NRXN1: variants seen among roughly 807,000 people sequenced by gnomAD.
NRXN1 encodes the protein neurexin-1.
Under a neutral mutation model 150.9 loss-of-function variants are expected in NRXN1, and 39 were observed. That is an observed-to-expected ratio of 0.26 (90% CI 0.20 to 0.34). The LOEUF (loss-of-function observed/expected upper bound fraction) is 0.34. NRXN1 is among the 10% of genes least tolerant of loss of function. The probability of loss-of-function intolerance (pLI) is 1.00; values close to 1 mark genes in which losing one functional copy is unlikely to be tolerated. For missense variants in NRXN1, 1,815 were observed against 1,949.9 expected, an observed-to-expected ratio of 0.93 and a Z score of 1.30; for synonymous variants, 924 against 757.0, an observed-to-expected ratio of 1.22 and a Z score of -3.62.
At chr2:49,969,627 C>T (rs1485913129) in intron 21 of NRXN1, 1 of 151,824 alleles carries the variant, frequency 6.6e-6, no homozygotes, top group African/African-American at 2.4e-5. Context: ...ATTCATTTCA[C>T]TGGACGACTG....
At chr2:50,398,037 A>T (rs1316606040) in intron 17 of NRXN1, among the ~76,000 whole-genome samples, 2 of 152,152 alleles carry the variant, frequency 1.3e-5, no homozygotes, top group Admixed American at 6.6e-5. Flanking sequence ...GAATGTTGGA[A>T]AAAAACATCA....
intron 17 of NRXN1, among the ~76,000 whole-genome samples, chr2:50,458,053 T>C (rs1221787159): frequency 1.3e-5 from 2 of 152,120 alleles, no homozygotes; most frequent in South Asian, 4.1e-4. Context: ...TGCAGCACTA[T>C]TCACAATAAC....
intron 12 of NRXN1, among the ~76,000 whole-genome samples, chr2:50,525,331 G>C (rs1573398650): frequency 6.6e-6 from 1 of 152,166 alleles, no homozygotes; most frequent in Admixed American, 6.5e-5. Context: ...AATTCAGATA[G>C]TTTTTTCCTT....
At chr2:50,290,659 C>T (rs1331556306) in intron 17 of NRXN1, among the ~76,000 whole-genome samples, 1 of 152,282 alleles carries the variant, frequency 6.6e-6, no homozygotes. Context: ...CACTGTACAG[C>T]AGAGAGGACT....
intron 19 of NRXN1, among the ~76,000 whole-genome samples, chr2:50,080,480 T>G (rs1235343299): frequency 6.6e-6 from 1 of 152,128 alleles, no homozygotes; most frequent in East Asian, 1.9e-4. Context: ...GTTATATTGA[T>G]AGCAATTTTT....
rs1245889580 is a variant in NRXN1, at chr2:50,753,972, G to GT, written c.833-130358_833-130357insA. 3.0e-5 allele frequency among the ~76,000 whole-genome samples: 4 copies of GT among 135,192 alleles called. No individual in the cohort carries two copies. In the South Asian group the frequency reaches 1.1e-3, roughly 37 times the overall value. 88.7% of individuals were successfully genotyped at this position (135,192 alleles called of 152,430 possible). On this transcript the variant is annotated intron_variant, in intron 5 of 22. Coordinates refer to ENST00000401669, the MANE Select transcript of NRXN1 (RefSeq NM_001330078.2). ...TCATGACGATTTTTTTTTGGGGGGG[G>GT]GCGGAATTCCCAATGGCATTAATGT...
At chr2:50,160,315 C>T (rs1405204326) in intron 18 of NRXN1, among the ~76,000 whole-genome samples, 1 of 151,918 alleles carries the variant, frequency 6.6e-6, no homozygotes, top group East Asian at 1.9e-4. Context: ...TCGAGGTGGG[C>T]AGATCACCTT....
chr2:50,658,271 A>G (rs545248273), intron 5 of NRXN1, among the ~76,000 whole-genome samples: 18 of 152,074 alleles, frequency 1.2e-4, no homozygotes, highest in Admixed American at 2.0e-4. Context: ...AGGTAAAAGC[A>G]GGTGGGTGTA....
chr2:50,146,813 T>A (rs1188804390), intron 18 of NRXN1, among the ~76,000 whole-genome samples: 1 of 151,652 alleles, frequency 6.6e-6, no homozygotes, highest in Non-Finnish European at 1.5e-5. Context: ...TTTCTTTGTG[T>A]TTTTTACCCA....
chr2:50,182,969 G>A (rs541406277), intron 18 of NRXN1, among the ~76,000 whole-genome samples: 2 of 151,986 alleles, frequency 1.3e-5, no homozygotes, highest in East Asian at 1.9e-4. Context: ...TTATAGCAAG[G>A]GAAACTAAAA....
At chr2:50,616,546 T>C (rs886635664) in intron 8 of NRXN1, 2 of 152,186 alleles carry the variant, frequency 1.3e-5, no homozygotes, top group African/African-American at 4.8e-5. Flanking sequence ...TTTTTATGCC[T>C]TGAATGCCAT....
At chr2:50,411,120 C>T (rs1461784487) in intron 17 of NRXN1, among the ~76,000 whole-genome samples, 4 of 151,924 alleles carry the variant, frequency 2.6e-5, no homozygotes, top group Non-Finnish European at 5.9e-5. Context: ...GTACTGCAAC[C>T]TCCCTGCCTG....
intron 21 of NRXN1, among the ~76,000 whole-genome samples, chr2:50,034,607 T>C (rs899325102): frequency 2.0e-5 from 3 of 152,030 alleles, no homozygotes; most frequent in African/African-American, 7.2e-5. Flanking sequence ...CAAGTTTACC[T>C]ATATAACAAA....
intron 12 of NRXN1, among the ~76,000 whole-genome samples, chr2:50,514,013 T>C (rs961282925): frequency 1.3e-5 from 2 of 152,196 alleles, no homozygotes; most frequent in African/African-American, 4.8e-5. Context: ...ATATATACTC[T>C]GGTACAGTGC....
intron 17 of NRXN1, among the ~76,000 whole-genome samples, chr2:50,283,082 C>G (rs553310607): frequency 3.9e-5 from 6 of 152,140 alleles, no homozygotes; most frequent in Non-Finnish European, 7.4e-5. Flanking sequence ...ACACTGTATG[C>G]CTTCTTCATT....
In NRXN1 at chr2:50,222,171, C is replaced by T. The variant is rs543192928; in HGVS notation, c.3546+14618G>A. 8.6e-4 allele frequency among the ~76,000 whole-genome samples: 131 copies of T among 152,040 alleles called. 1 individual carries two copies. The highest frequency in any genetic ancestry group is 3.7e-3 in the South Asian group (18 of 4,826). On this transcript the variant is annotated intron_variant, in intron 18 of 22. Coordinates refer to ENST00000401669, the MANE Select transcript of NRXN1 (RefSeq NM_001330078.2). ...CTTTTCCCATAATATTGTGAAGCCA[C>T]ATTTTACTGAAAAGAGCCGCATGCT...
chr2:50,865,429 A>G (rs1574756345), intron 5 of NRXN1, among the ~76,000 whole-genome samples: 1 of 151,842 alleles, frequency 6.6e-6, no homozygotes, highest in African/African-American at 2.4e-5. Flanking sequence ...AAAGGAATTG[A>G]GGCTCAAAGA....
chr2:50,087,603 C>T (rs1698972014), intron 19 of NRXN1, among the ~76,000 whole-genome samples: 1 of 152,048 alleles, frequency 6.6e-6, no homozygotes, highest in African/African-American at 2.4e-5. Context: ...AACTGATAAG[C>T]ACCAAGAAAT....
At position 50,814,529 on chromosome 2, in the gene NRXN1, C is replaced by A. The variant is rs549509273; in HGVS notation, c.832+107340G>T. Among the ~76,000 whole-genome samples the A allele has an allele frequency of 7.9e-5, 12 of 152,086 alleles. No individual in the cohort carries two copies. The South Asian group carries it at 1.7e-3, about 21-fold the overall frequency. On this transcript the variant is annotated intron_variant, in intron 5 of 22. Coordinates refer to ENST00000401669, the MANE Select transcript of NRXN1 (RefSeq NM_001330078.2). ...CTCATGGAAGAACAAAAAAGAAGAA[C>A]CCTGGGGAACAATTTCTGGGAGTAT...
Sources: gnomAD v4.1 joint callset for allele counts (sites outside exome capture counted in the v4.1 genomes callset) on GRCh38, gnomAD v4.1.1 for gene constraint, MANE v1.5 for transcripts, NCBI Gene and HGNC (gene_info 2026-07-23, HGNC 2026-07-21) for gene names.